IQSEC2: variants seen among roughly 807,000 people sequenced by gnomAD.
IQSEC2 encodes the protein IQ motif and Sec7 domain ArfGEF 2.
A neutral mutation model predicts 74.6 loss-of-function variants in IQSEC2; 6 were observed. That is an observed-to-expected ratio of 0.08 (90% CI 0.04 to 0.16). The LOEUF (loss-of-function observed/expected upper bound fraction) is 0.16, where lower values mean the gene tolerates loss of function less well. IQSEC2 is among the 10% of genes least tolerant of loss of function. The pLI is 1.00. For missense variants in IQSEC2, 734 were observed against 1,306.2 expected, an observed-to-expected ratio of 0.56 and a Z score of 6.75; for synonymous variants, 494 against 544.5, an observed-to-expected ratio of 0.91 and a Z score of 1.29.
chrX:53,241,922 G>A lies in IQSEC2; in HGVS notation c.2890-13C>T, dbSNP rs375845062. ...GGAGAGACAGGACCTAGACAGGCATGAAGAAACAGGTGTCAGCAAGGCCAG... is the reference window on the plus strand; with the variant it reads ...GGAGAGACAGGACCTAGACAGGCATAAAGAAACAGGTGTCAGCAAGGCCAG... On this transcript the variant is annotated splice_polypyrimidine_tract_variant and intron_variant, in intron 9 of 14. Transcript: ENST00000642864. The A allele has an allele frequency of 8.3e-7, 1 of 1,204,184 alleles. No homozygotes were observed. Among genetic ancestry groups the A allele is most frequent in the Non-Finnish European group, 1.1e-6 (1 of 892,414 alleles).
chrX:53,235,267 T>C (rs2074109962), intron 14 of IQSEC2, 83 bp from the exon 15 acceptor site: 3 of 1,113,070 alleles, frequency 2.7e-6, no homozygotes, highest in Admixed American at 5.3e-5. Flanking sequence ...CCCTGAGGGC[T>C]GGAGCTGGGG....
intron 8 of IQSEC2, 73 bp from the exon 9 acceptor site, chrX:53,243,544 C>T: frequency 1.8e-6 from 2 of 1,099,476 alleles, no homozygotes; most frequent in East Asian, 3.4e-5. Context: ...TCCACCACCC[C>T]CACACCCAGG....
downstream of IQSEC2, chrX:53,229,701 A>T (rs938714248): frequency 9.2e-6 from 1 of 108,775 alleles, no homozygotes; most frequent in African/African-American, 3.4e-5. Context: ...CTCAAAAAAG[A>T]AAAAAAAAAG....
chrX:53,266,731 G>A (rs782040805), intron 2 of IQSEC2: 490 of 935,920 alleles, frequency 5.2e-4, no homozygotes, highest in Non-Finnish European at 6.0e-4. Flanking sequence ...CATTTTAGTC[G>A]GACCTAGGGC....
intron 2 of IQSEC2, among the ~76,000 whole-genome samples, chrX:53,271,923 A>G (rs2147207000): frequency 8.9e-6 from 1 of 111,928 alleles, no homozygotes; most frequent in East Asian, 2.8e-4. Context: ...GCACATAGGT[A>G]TATGAATGCA....
chrX:53,266,002 T>G, intron 2 of IQSEC2, among the ~76,000 whole-genome samples: 1 of 112,301 alleles, frequency 8.9e-6, no homozygotes, highest in Non-Finnish European at 1.9e-5. Flanking sequence ...GTCTATTAAA[T>G]TCACATAATC....
At chrX:53,292,644 G>A (rs1441160959) in intron 1 of IQSEC2, among the ~76,000 whole-genome samples, 1 of 111,882 alleles carries the variant, frequency 8.9e-6, no homozygotes, top group Non-Finnish European at 1.9e-5. Context: ...AAAGAAGGGC[G>A]AAAGAAGAGA....
rs782629391 is a variant in IQSEC2, at chrX:53,299,920, T to TTTTG, written c.708-8000_708-7997dup. Among the ~76,000 whole-genome samples the TTTTG allele has an allele frequency of 1.1e-3, 117 of 110,738 alleles. 1 individual carries two copies. The Middle Eastern group carries it at 0.014, about 13-fold the overall frequency. ...TACATGCCACCACACCTAGCCAATC[T>TTTTG]TTTGTTTGTTTGTTTGTTTGTTTGA... On this transcript the variant is annotated intron_variant, in intron 1 of 14. Transcript: ENST00000642864.
At chrX:53,278,953 G>A (rs1423403334) in intron 2 of IQSEC2, among the ~76,000 whole-genome samples, 3 of 112,079 alleles carry the variant, frequency 2.7e-5, no homozygotes, top group Non-Finnish European at 3.8e-5. Context: ...CAAGGCGGGC[G>A]GATCACGAGG....
At chrX:53,248,048 T>A in intron 7 of IQSEC2, 66 bp downstream of exon 7, 1 of 1,170,656 alleles carries the variant, frequency 8.5e-7, no homozygotes, top group Non-Finnish European at 1.2e-6. Context: ...AAGTGACTTA[T>A]AAACACATAC....
chrX:53,241,433 G>T (rs1231174773), intron 10 of IQSEC2, among the ~76,000 whole-genome samples: 2 of 111,840 alleles, frequency 1.8e-5, no homozygotes, highest in South Asian at 3.8e-4. Flanking sequence ...GATTACTGAA[G>T]ATTTCCAGAC....
chrX:53,233,952 G>A lies in IQSEC2; in HGVS notation c.*267C>T. On this transcript the variant is annotated 3_prime_UTR_variant, in exon 15 of 15. Transcript: ENST00000642864. ...GAAGAAGACGGGAGAAAGAGTACGA[G>A]GATCTCTGGAAGGCCCTCACCACTC... 1 of 297,748 alleles carries A rather than the reference G, an allele frequency of 3.4e-6. No homozygotes were observed. Among genetic ancestry groups the A allele is most frequent in the East Asian group, 4.8e-5 (1 of 20,967 alleles). The allele number at this position is 297,748 out of a possible 1,213,427, so 24.5% of individuals were successfully genotyped here.
At chrX:53,281,564 G>A (rs2074964015) in intron 2 of IQSEC2, 1 of 1,144,240 alleles carries the variant, frequency 8.7e-7, no homozygotes, top group Non-Finnish European at 1.2e-6. Flanking sequence ...GGCCTAGCCG[G>A]TGTCTCCACC....
chrX:53,245,858 CTTTTTTTTTTTTT>C (rs368569948), intron 8 of IQSEC2, among the ~76,000 whole-genome samples: 1 of 75,673 alleles, frequency 1.3e-5, no homozygotes, highest in Admixed American at 1.5e-4. Flanking sequence ...CTCAATTGTT[CTTTTTTTTTTTTT>C]TTTTTTTTCA....
rs1243666609 is a variant in IQSEC2 at position 53,234,061 on chromosome X, G to A, written c.*158C>T. On this transcript the variant is annotated 3_prime_UTR_variant, in exon 15 of 15. Coordinates refer to ENST00000642864, the MANE Select transcript of IQSEC2 (RefSeq NM_001111125.3). ...AGGAAACCCCATGGCAACTGCTGGG[G>A]GTGAGAGGACGGGTCCCAAGGCAGG... The A allele has an allele frequency of 6.5e-6, 2 of 308,773 alleles. No homozygotes were observed. The highest frequency in any genetic ancestry group is 1.2e-5 in the Non-Finnish European group (2 of 173,578). The allele number at this position is 308,773 out of a possible 1,213,427, so 25.4% of individuals were successfully genotyped here. A position where few individuals can be genotyped will look rare whatever the true frequency, so the allele number is the denominator to read the frequency against.
chrX:53,305,906 A>G (rs1186292677), intron 1 of IQSEC2, among the ~76,000 whole-genome samples: 2 of 111,589 alleles, frequency 1.8e-5, no homozygotes, highest in Admixed American at 1.9e-4. Flanking sequence ...AGAGACAATC[A>G]TTCAAGGACG....
intron 2 of IQSEC2, among the ~76,000 whole-genome samples, chrX:53,288,476 A>G: frequency 1.0e-5 from 1 of 100,494 alleles, no homozygotes; most frequent in South Asian, 4.9e-4. Flanking sequence ...CCCCAGGGCC[A>G]ACAAGTTCAG....
At chrX:53,316,623 C>G (rs1226613699) in intron 1 of IQSEC2, among the ~76,000 whole-genome samples, 3 of 111,049 alleles carry the variant, frequency 2.7e-5, no homozygotes, top group African/African-American at 9.8e-5. Context: ...GAGTTTGAGA[C>G]CAGTCTGGGC....
intron 2 of IQSEC2, among the ~76,000 whole-genome samples, chrX:53,260,281 G>A (rs1034986245): frequency 4.5e-5 from 5 of 111,618 alleles, no homozygotes; most frequent in East Asian, 2.8e-4. Flanking sequence ...TACAGCCAGC[G>A]CAAAGGCCCG....
Sources: allele counts gnomAD v4.1 joint callset (sites outside exome capture counted in the v4.1 genomes callset), GRCh38; gene constraint gnomAD v4.1.1; transcripts MANE v1.5; gene names NCBI Gene and HGNC (gene_info 2026-07-23, HGNC 2026-07-21).